NUP210L: variants seen among roughly 807,000 people sequenced by gnomAD.
The protein encoded by NUP210L is nucleoporin 210 like.
A neutral mutation model predicts 208.5 loss-of-function variants in NUP210L; 74 were observed. That is an observed-to-expected ratio of 0.35 (90% CI 0.29 to 0.43). NUP210L has a LOEUF of 0.43. NUP210L is among the 20% of genes least tolerant of loss of function. The probability of loss-of-function intolerance (pLI) is 1.00; values close to 1 mark genes in which losing one functional copy is unlikely to be tolerated. For synonymous variants in NUP210L, 780 were observed against 816.9 expected (o/e 0.95, Z 0.77); for missense variants, 1,843 against 2,289.4 (o/e 0.81, Z 3.98).
Position 154,027,176 on chromosome 1 carries a change from T to C in NUP210L, c.3947+330A>G, listed in dbSNP as rs573459180. On this transcript the variant is annotated intron_variant, in intron 29 of 39. Transcript: ENST00000368559. ...TATGAAATACATTCAGGATAGCTAA[T>C]ACCGTACACAGAAAGCAGATTAGTG... Among the ~76,000 whole-genome samples the C allele has an allele frequency of 2.0e-5, 3 of 149,938 alleles. No individual in the cohort carries two copies. The Admixed American group carries it at 2.0e-4, about 10-fold the overall frequency.
At chr1:154,083,218 T>C (rs141916041) in intron 16 of NUP210L, among the ~76,000 whole-genome samples, 1 of 152,290 alleles carries the variant, frequency 6.6e-6, no homozygotes, top group East Asian at 1.9e-4. Context: ...GAGTGCTGAT[T>C]GGTCCATTTT....
rs145392469 is a variant in NUP210L at position 154,021,958 on chromosome 1, C to G, written c.4516+168G>C. 2.7e-3 allele frequency among the ~76,000 whole-genome samples: 417 copies of G among 152,226 alleles called. 5 individuals carry two copies. Among genetic ancestry groups the G allele is most frequent in the African/African-American group, 9.4e-3 (390 of 41,548 alleles). ...CTAGGGGATTAATTGCTTTCTTGAA[C>G]TTCTGGCCTTAAGTGACCTCTCCAG... On this transcript the variant is annotated intron_variant, in intron 32 of 39. Transcript: ENST00000368559.
At chr1:154,151,792 A>C (rs1447398088) in intron 2 of NUP210L, among the ~76,000 whole-genome samples, 1 of 152,124 alleles carries the variant, frequency 6.6e-6, no homozygotes, top group East Asian at 1.9e-4. Context: ...TGTCTCTAAA[A>C]AAAGAGAAAA....
At chr1:154,114,056 T>C (rs1657189890) in intron 12 of NUP210L, among the ~76,000 whole-genome samples, 1 of 151,212 alleles carries the variant, frequency 6.6e-6, no homozygotes, top group Non-Finnish European at 1.5e-5. Context: ...GGCAGGAGAA[T>C]TGCTTGAACT....
chr1:153,992,969 CGT>C, intron 39 of NUP210L, 34 bp from the exon 40 acceptor site: 1 of 1,606,944 alleles, frequency 6.2e-7, no homozygotes, highest in Non-Finnish European at 8.5e-7. Context: ...GTGAATTAAA[CGT>C]GTGTATCTGA....
rs144515149 is a variant in NUP210L, at chr1:154,001,228, C to T, written c.5182-168G>A. 9.8e-4 allele frequency among the ~76,000 whole-genome samples: 149 copies of T among 152,226 alleles called. 3 individuals carry two copies. The East Asian group carries it at 0.026, about 27-fold the overall frequency. ...TTTTGTTGTTGTTGAGAGGGAGTCTCGCTCTGTCACCCAGGCTGGAGTGCA... is the reference window on the plus strand; with the variant it reads ...TTTTGTTGTTGTTGAGAGGGAGTCTTGCTCTGTCACCCAGGCTGGAGTGCA... On this transcript the variant is annotated intron_variant, in intron 36 of 39. Transcript: ENST00000368559.
chr1:154,080,376 A>C (rs1194199097), intron 16 of NUP210L, among the ~76,000 whole-genome samples: 1 of 142,710 alleles, frequency 7.0e-6, no homozygotes, highest in East Asian at 2.1e-4. Context: ...AAAAAAAGGA[A>C]GAAGGAGAAA....
intron 12 of NUP210L, among the ~76,000 whole-genome samples, chr1:154,106,201 C>T (rs927736168): frequency 3.9e-5 from 6 of 152,190 alleles, no homozygotes; most frequent in Non-Finnish European, 8.8e-5. Context: ...GCAGAGGTTG[C>T]AGTCAGCTGA....
chr1:154,103,737 C>T (rs926133658), intron 13 of NUP210L, among the ~76,000 whole-genome samples: 2 of 141,896 alleles, frequency 1.4e-5, no homozygotes, highest in Non-Finnish European at 3.1e-5. Flanking sequence ...CAAAAACAAA[C>T]AAACAAAAAA....
intron 16 of NUP210L, among the ~76,000 whole-genome samples, chr1:154,088,798 A>G (rs1298600072): frequency 1.3e-5 from 2 of 152,166 alleles, no homozygotes; most frequent in Non-Finnish European, 2.9e-5. Flanking sequence ...TGTATAGGTT[A>G]AGTAATGACT....
intron 25 of NUP210L, among the ~76,000 whole-genome samples, chr1:154,052,622 A>G (rs1377051939): frequency 6.6e-6 from 1 of 152,208 alleles, no homozygotes; most frequent in Non-Finnish European, 1.5e-5. Flanking sequence ...TTGGCTGGCA[A>G]TAATGCCTGG....
intron 14 of NUP210L, among the ~76,000 whole-genome samples, chr1:154,098,116 C>T (rs936089127): frequency 2.0e-5 from 3 of 152,200 alleles, no homozygotes; most frequent in African/African-American, 7.2e-5. Flanking sequence ...ACAGGCAGCT[C>T]CAGGTGCCAG....
chr1:154,031,121 T>C (rs1652189668), intron 27 of NUP210L, among the ~76,000 whole-genome samples: 1 of 152,120 alleles, frequency 6.6e-6, no homozygotes, highest in Non-Finnish European at 1.5e-5. Context: ...TGGAGTCTTG[T>C]TCTGTTGACC....
chr1:154,046,389 G>A lies in NUP210L; in HGVS notation c.3484-20C>T, dbSNP rs753341696. ...TTCATCCTGCTCAACAGGGTGGAGA[G>A]CAAGCTTAGGCTAAGAGGGAGTTTC... On this transcript the variant is annotated intron_variant, in intron 25 of 39. Transcript: ENST00000368559. 1.9e-6 allele frequency: 3 copies of A among 1,602,320 alleles called. No homozygotes were observed. Among genetic ancestry groups the A allele is most frequent in the East Asian group, 2.2e-5 (1 of 44,816 alleles).
At chr1:154,090,215 G>GA (rs61444934) in intron 15 of NUP210L, among the ~76,000 whole-genome samples, 13,342 of 140,276 alleles carry the variant, frequency 0.095, 665 homozygotes, top group Middle Eastern at 0.14. Context: ...CCTGTCTCAG[G>GA]AAAAAAAAAA....
At chr1:154,117,117 T>G (rs1229500525) in intron 12 of NUP210L, among the ~76,000 whole-genome samples, 1 of 152,210 alleles carries the variant, frequency 6.6e-6, no homozygotes, top group Admixed American at 6.5e-5. Flanking sequence ...ACAGAATGCA[T>G]TTCATCATTT....
At chr1:153,995,879 C>A in intron 37 of NUP210L, 1 of 565,502 alleles carries the variant, frequency 1.8e-6, no homozygotes. Context: ...GTGTTCGTGA[C>A]TGGATCAAGT....
chr1:154,152,477 ATTTTTT>A (rs11458686), intron 2 of NUP210L, among the ~76,000 whole-genome samples: 1 of 139,362 alleles, frequency 7.2e-6, no homozygotes, highest in Non-Finnish European at 1.5e-5. Flanking sequence ...CCCAGCCATA[ATTTTTT>A]TTTTTTTTTT....
chr1:154,078,037 G>A (rs1015170584), intron 16 of NUP210L, among the ~76,000 whole-genome samples: 1 of 151,816 alleles, frequency 6.6e-6, no homozygotes, highest in Non-Finnish European at 1.5e-5. Context: ...CTGTGTGGTG[G>A]CTCAAGCCTG....
Sources: gnomAD v4.1 joint callset for allele counts (sites outside exome capture counted in the v4.1 genomes callset) on GRCh38, gnomAD v4.1.1 for gene constraint, MANE v1.5 for transcripts, NCBI Gene and HGNC (gene_info 2026-07-23, HGNC 2026-07-21) for gene names.